Variants in ANK3 observed in about 807,000 individuals in gnomAD.
The protein encoded by ANK3 is ankyrin-3.
In ANK3, 57 loss-of-function variants were observed where a neutral mutation model predicts 370.9. The observed-to-expected ratio is 0.15, with a 90% confidence interval of 0.12 to 0.19. ANK3 has a LOEUF of 0.19. ANK3 is among the 10% of genes least tolerant of loss of function. ANK3 has a pLI of 1.00. For missense variants in ANK3, 4,439 were observed against 5,302.1 expected (o/e 0.84, Z 5.06); for synonymous variants, 1,929 against 1,946.3 (o/e 0.99, Z 0.23).
chr10:60,293,767 T>C (rs1172007730), intron 1 of ANK3, among the ~76,000 whole-genome samples: 2 of 152,202 alleles, frequency 1.3e-5, no homozygotes, highest in Non-Finnish European at 2.9e-5. Context: ...CAAATTCCAA[T>C]TTTTTGCATA....
rs1364390024 is a variant in ANK3, at chr10:60,330,538, C to T, written c.115-50899G>A. ...GAAAAAAAAGCTCATCATCACTGGT[C>T]GTTAGAAAAATGCAAATCAAAACCA... On this transcript the variant is annotated intron_variant, in intron 1 of 43. Coordinates refer to ENST00000280772, the MANE Select transcript of ANK3 (RefSeq NM_020987.5). Among the ~76,000 whole-genome samples, 3 of 152,136 alleles carry T rather than the reference C, an allele frequency of 2.0e-5. No individual in the cohort carries two copies. The East Asian group carries it at 5.8e-4, about 29-fold the overall frequency.
chr10:60,031,862 T>C (rs2073658691), intron 43 of ANK3, among the ~76,000 whole-genome samples: 1 of 152,154 alleles, frequency 6.6e-6, no homozygotes, highest in Admixed American at 6.5e-5. Flanking sequence ...AGGTCACTAA[T>C]GCTTGGAGCC....
At chr10:60,048,421 A>G (rs1361430512) in intron 42 of ANK3, among the ~76,000 whole-genome samples, 2 of 152,176 alleles carry the variant, frequency 1.3e-5, no homozygotes, top group Non-Finnish European at 2.9e-5. Context: ...GCCTAGCAAA[A>G]AGGAATACTT....
rs775394053 is a variant in ANK3, at chr10:60,279,529, C to G, written c.216+9G>C. 1 of 1,582,470 alleles carries G rather than the reference C, an allele frequency of 6.3e-7. No homozygotes were observed. Among genetic ancestry groups the G allele is most frequent in the Non-Finnish European group, 8.6e-7 (1 of 1,168,344 alleles). ...TTAAGTAAAAAATTCAATAATAACT[C>G]CAGCTAACCTGATTGCAAATGTTGA... On this transcript the variant is annotated intron_variant, in intron 2 of 43. Transcript: ENST00000280772.
In ANK3 at chr10:60,264,496, A is replaced by G. The variant is rs189075346; in HGVS notation, c.514-476T>C. ...CCCCGTCTCTACTAAAAATACAAAA[A>G]TTGGCCGAGGGTGGTGGATGCCTGT... On this transcript the variant is annotated intron_variant, in intron 5 of 43. Coordinates refer to ENST00000280772, the MANE Select transcript of ANK3 (RefSeq NM_020987.5). Among the ~76,000 whole-genome samples the G allele has an allele frequency of 1.6e-4, 25 of 152,030 alleles. No individual in the cohort carries two copies. In the East Asian group the frequency reaches 4.8e-3, roughly 29 times the overall value.
intron 23 of ANK3, chr10:60,139,296 G>A (rs1314435231): frequency 3.0e-5 from 15 of 507,656 alleles, no homozygotes; most frequent in East Asian, 2.3e-4. Flanking sequence ...TTTAAGTAGC[G>A]GAAACAACTC....
intron 1 of ANK3, among the ~76,000 whole-genome samples, chr10:60,366,488 T>G (rs1210509693): frequency 6.6e-6 from 1 of 152,192 alleles, no homozygotes; most frequent in African/African-American, 2.4e-5. Flanking sequence ...CTGGTTAGGC[T>G]TAGACCTTTC....
chr10:60,588,615 C>T (rs573644240), intron 2 of ANK3, among the ~76,000 whole-genome samples: 2 of 151,874 alleles, frequency 1.3e-5, no homozygotes, highest in South Asian at 4.2e-4. Context: ...TTACCTAATT[C>T]TCTCAAAAAA....
Position 60,029,702 on chromosome 10 carries a change from A to G in ANK3, c.*144T>C, listed in dbSNP as rs1033882918. 1.3e-5 allele frequency: 2 copies of G among 151,940 alleles called. No homozygotes were observed. Among genetic ancestry groups the G allele is most frequent in the African/African-American group, 4.9e-5 (2 of 41,186 alleles). 9.4% of individuals were successfully genotyped at this position (151,940 alleles called of 1,614,324 possible). A position where few individuals can be genotyped will look rare whatever the true frequency, so the allele number is the denominator to read the frequency against. On this transcript the variant is annotated 3_prime_UTR_variant, in exon 44 of 44. Transcript: ENST00000280772. ...TGGTTTTCTTTTCTTTTCTTTTTGC[A>G]TAAAAAAAATCATGCCATTAATGTG...
chr10:60,555,890 C>T (rs2077195055), intron 2 of ANK3, among the ~76,000 whole-genome samples: 1 of 152,196 alleles, frequency 6.6e-6, no homozygotes, highest in Non-Finnish European at 1.5e-5. Flanking sequence ...TCTCTCATTC[C>T]TGCAGTGATC....
At chr10:60,455,741 C>T (rs947550903) in intron 2 of ANK3, among the ~76,000 whole-genome samples, 2 of 152,032 alleles carry the variant, frequency 1.3e-5, no homozygotes, top group African/African-American at 2.4e-5. Flanking sequence ...ATAGGCTAAC[C>T]CTATAGGAGG....
intron 29 of ANK3, among the ~76,000 whole-genome samples, chr10:60,087,494 T>A (rs1330050896): frequency 6.6e-6 from 1 of 152,216 alleles, no homozygotes; most frequent in Non-Finnish European, 1.5e-5. Flanking sequence ...GACTTAAGTA[T>A]GCTTGGCTCA....
intron 2 of ANK3, among the ~76,000 whole-genome samples, chr10:60,509,763 C>T (rs961310547): frequency 6.6e-6 from 1 of 152,116 alleles, no homozygotes; most frequent in Non-Finnish European, 1.5e-5. Flanking sequence ...TAAAACGCTT[C>T]AGTGGATCAA....
At chr10:60,249,344 C>T (rs975447935) in intron 7 of ANK3, among the ~76,000 whole-genome samples, 14 of 152,102 alleles carry the variant, frequency 9.2e-5, no homozygotes, top group Admixed American at 2.6e-4. Flanking sequence ...AAGTCCATCC[C>T]CTTTTGTTTT....
At chr10:60,289,010 C>T (rs1025257473) in intron 1 of ANK3, among the ~76,000 whole-genome samples, 5 of 151,890 alleles carry the variant, frequency 3.3e-5, no homozygotes, top group Non-Finnish European at 7.4e-5. Flanking sequence ...CCTTTGGTGG[C>T]ACATTAAGTT....
chr10:60,704,914 A>G (rs1459790591), intron 1 of ANK3, among the ~76,000 whole-genome samples: 11 of 152,228 alleles, frequency 7.2e-5, no homozygotes, highest in African/African-American at 2.2e-4. Context: ...ATCATTCTCT[A>G]TATGAATCAA....
At chr10:60,140,845 T>C in intron 23 of ANK3, 2 of 991,622 alleles carry the variant, frequency 2.0e-6, no homozygotes, top group Non-Finnish European at 2.4e-6. Flanking sequence ...AAGACAGCCT[T>C]CATGTAGGGA....
chr10:60,029,508 A>C lies in ANK3; in HGVS notation c.*338T>G, dbSNP rs1401753916. On this transcript the variant is annotated 3_prime_UTR_variant, in exon 44 of 44. Coordinates refer to ENST00000280772, the MANE Select transcript of ANK3 (RefSeq NM_020987.5). Reference sequence around the variant, plus strand: ...ATTCCATCTCCTTCTGTCCCTTCTGATGGCAGGAATTTCTTCCTTTTGTAA... The same window carrying C: ...ATTCCATCTCCTTCTGTCCCTTCTGCTGGCAGGAATTTCTTCCTTTTGTAA... The C allele has an allele frequency of 6.6e-6, 1 of 152,566 alleles. No individual in the cohort carries two copies. The highest frequency in any genetic ancestry group is 1.9e-4 in the East Asian group (1 of 5,194). The allele number at this position is 152,566 out of a possible 1,614,324, so 9.5% of individuals were successfully genotyped here. A position where few individuals can be genotyped will look rare whatever the true frequency, so the allele number is the denominator to read the frequency against.
At chr10:60,076,653 T>TA (rs79399723) in intron 36 of ANK3, among the ~76,000 whole-genome samples, 4,823 of 95,290 alleles carry the variant, frequency 0.051, 177 homozygotes, top group East Asian at 0.37. Context: ...AATCTGAAGT[T>TA]AAAAAAAAAC....
Sources: allele counts gnomAD v4.1 joint callset (sites outside exome capture counted in the v4.1 genomes callset), GRCh38; gene constraint gnomAD v4.1.1; transcripts MANE v1.5; gene names NCBI Gene and HGNC (gene_info 2026-07-23, HGNC 2026-07-21).